CNGA3: variants seen among roughly 807,000 people sequenced by gnomAD.
The protein encoded by CNGA3 is cyclic nucleotide gated channel subunit alpha 3.
Under a neutral mutation model 46.6 loss-of-function variants are expected in CNGA3, and 42 were observed. The ratio of observed to expected loss-of-function variants is 0.90; its 90% CI spans 0.70 to 1.17. The LOEUF (loss-of-function observed/expected upper bound fraction) is 1.17, where lower values mean the gene tolerates loss of function less well. Among genes scored for constraint, CNGA3 ranks in the 50% most tolerant of loss-of-function variants. The pLI, the probability that CNGA3 is intolerant of heterozygous loss-of-function variation, is 0.00. For missense variants in CNGA3, 893 were observed against 890.7 expected (o/e 1.00, Z -0.03); for synonymous variants, 394 against 369.4 (o/e 1.07, Z -0.76).
rs1430615036 is a variant in CNGA3, at chr2:98,370,021, C to G, written c.46C>G (p.Leu16Val). ...ATACTCCCACCCCTCCAGGACCCAC[C>G]TCAAGGTAAAGACCTCAGACCGAGA... ...TQYSHPSRTH[L>V]KVKTSDRDLN... Residue 16 changes from leucine to valine, a missense_variant, in exon 2 of 8, where the codon CTC becomes GTC. By Grantham distance (32) the Leu-to-Val change is conservative (BLOSUM62 1). Transcript: ENST00000272602. 6.2e-7 allele frequency: 1 copy of G among 1,613,972 alleles called. No homozygotes were observed. The highest frequency in any genetic ancestry group is 8.5e-7 in the Non-Finnish European group (1 of 1,180,006).
intron 3 of CNGA3, 95 bp downstream of exon 3, chr2:98,377,895 G>A (rs549671835): frequency 9.2e-5 from 122 of 1,326,846 alleles, no homozygotes; most frequent in Non-Finnish European, 1.2e-4. Context: ...GATGGGGGTG[G>A]AGTTGAAGAT....
chr2:98,369,470 T>A (rs532294232), intron 1 of CNGA3, among the ~76,000 whole-genome samples: 1 of 152,366 alleles, frequency 6.6e-6, no homozygotes, highest in East Asian at 1.9e-4. Flanking sequence ...AAAGGTTTTC[T>A]GAATGTCACA....
In CNGA3 at chr2:98,395,719, A is replaced by AAT. The variant is rs1349517446; in HGVS notation, c.674-124_674-123dup. On this transcript the variant is annotated intron_variant, in intron 7 of 7. Coordinates refer to ENST00000272602, the MANE Select transcript of CNGA3 (RefSeq NM_001298.3). ...TAGTAATGGTAAGTGTTGTTTTTGA[A>AAT]ATCATTTCTATTATATATGTATCAC... The AAT allele has an allele frequency of 9.2e-6, 7 of 764,642 alleles. No individual in the cohort carries two copies. The East Asian group carries it at 1.9e-4, about 20-fold the overall frequency. The allele number at this position is 764,642 out of a possible 1,614,324, so 47.4% of individuals were successfully genotyped here. A position where few individuals can be genotyped will look rare whatever the true frequency, so the allele number is the denominator to read the frequency against.
At chr2:98,364,575 CA>C in intron 1 of CNGA3, among the ~76,000 whole-genome samples, 1 of 152,060 alleles carries the variant, frequency 6.6e-6, no homozygotes. Context: ...TCGAGCTTGC[CA>C]TTCTGTGTCT....
At chr2:98,362,950 T>G (rs1459944068) in intron 1 of CNGA3, among the ~76,000 whole-genome samples, 8 of 152,222 alleles carry the variant, frequency 5.3e-5, no homozygotes, top group Non-Finnish European at 1.2e-4. Context: ...TTGTTAAAGA[T>G]CAGATGGTTG....
rs58990587 is a variant in CNGA3, at chr2:98,377,846, T to G, written c.215+46T>G. On this transcript the variant is annotated intron_variant, in intron 3 of 7. Coordinates refer to ENST00000272602, the MANE Select transcript of CNGA3 (RefSeq NM_001298.3). Reference sequence around the variant, plus strand: ...CCTACCTTGGCCTGGGGGACACTGTTGCAGAAAGAAGGTAGTGACCTCTCA... The same window carrying G: ...CCTACCTTGGCCTGGGGGACACTGTGGCAGAAAGAAGGTAGTGACCTCTCA... 89,894 of 1,542,422 alleles carry G rather than the reference T, an allele frequency of 0.058. 2,948 individuals carry two copies. The highest frequency in any genetic ancestry group is 0.092 in the African/African-American group (6,737 of 73,472).
intron 1 of CNGA3, among the ~76,000 whole-genome samples, chr2:98,350,025 C>A (rs111423160): frequency 2.0e-5 from 3 of 152,236 alleles, no homozygotes; most frequent in Non-Finnish European, 4.4e-5. Context: ...ACTCGGCCTG[C>A]ACCCGAGAAC....
chr2:98,389,632 C>T lies in CNGA3; in HGVS notation c.450-26C>T, dbSNP rs377739704. On this transcript the variant is annotated intron_variant, in intron 5 of 7. Coordinates refer to ENST00000272602, the MANE Select transcript of CNGA3 (RefSeq NM_001298.3). ...AGCTACAGTCTTGGAGCACAGTGCG[C>T]TGTTTGTGTATGTGTGGGTTTCCAG... The T allele has an allele frequency of 2.5e-6, 4 of 1,593,018 alleles. No homozygotes were observed. In the African/African-American group the frequency reaches 5.4e-5, roughly 21 times the overall value.
Position 98,395,835 on chromosome 2 carries a change from C to T in CNGA3, c.674-9C>T. On this transcript the variant is annotated splice_polypyrimidine_tract_variant and intron_variant, in intron 7 of 7. Transcript: ENST00000272602. ...TGTGATGCCCAATGACCTCCATCTT[C>T]TTCTTTAGGTTTTCTCGAGCAAGGC... 1 of 1,613,986 alleles carries T rather than the reference C, an allele frequency of 6.2e-7. No individual in the cohort carries two copies. The highest frequency in any genetic ancestry group is 1.7e-4 in the Middle Eastern group (1 of 6,060).
At chr2:98,386,028 C>T (rs1692646159) in intron 5 of CNGA3, among the ~76,000 whole-genome samples, 1 of 152,102 alleles carries the variant, frequency 6.6e-6, no homozygotes, top group Non-Finnish European at 1.5e-5. Flanking sequence ...TATCTGTTTC[C>T]TGGCTTATAA....
intron 6 of CNGA3, 56 bp from the exon 7 acceptor site, chr2:98,391,808 G>T (rs532298545): frequency 1.9e-5 from 30 of 1,549,130 alleles, no homozygotes; most frequent in Non-Finnish European, 2.6e-5. Flanking sequence ...ACAGGTGGGT[G>T]GTCCACGCTC....
At chr2:98,368,428 A>C (rs1692211953) in intron 1 of CNGA3, among the ~76,000 whole-genome samples, 1 of 152,256 alleles carries the variant, frequency 6.6e-6, no homozygotes, top group African/African-American at 2.4e-5. Context: ...AACCATCCTC[A>C]GAAATGCATC....
intron 2 of CNGA3, among the ~76,000 whole-genome samples, chr2:98,375,807 G>A (rs1367921586): frequency 1.3e-5 from 2 of 152,056 alleles, no homozygotes; most frequent in Admixed American, 6.6e-5. Flanking sequence ...TGGAGTGGAT[G>A]ACAGCAAGTT....
intron 6 of CNGA3, among the ~76,000 whole-genome samples, chr2:98,390,940 G>A (rs1179515315): frequency 6.6e-6 from 1 of 152,138 alleles, no homozygotes; most frequent in Non-Finnish European, 1.5e-5. Context: ...GATGCCTCTG[G>A]GGCTCTCCGG....
chr2:98,393,494 C>A (rs1692838418), intron 7 of CNGA3, among the ~76,000 whole-genome samples: 2 of 152,232 alleles, frequency 1.3e-5, no homozygotes, highest in African/African-American at 4.8e-5. Flanking sequence ...CCTCTGTTTG[C>A]TTCCACACTG....
At chr2:98,361,889 A>G (rs903872724) in intron 1 of CNGA3, among the ~76,000 whole-genome samples, 3 of 151,614 alleles carry the variant, frequency 2.0e-5, no homozygotes, top group Admixed American at 6.6e-5. Flanking sequence ...TTGTATTTTT[A>G]GTAGAGACAG....
chr2:98,369,281 G>C (rs1055252587), intron 1 of CNGA3, among the ~76,000 whole-genome samples: 5 of 152,200 alleles, frequency 3.3e-5, no homozygotes, highest in Admixed American at 2.6e-4. Context: ...TTTTCAAGAC[G>C]ATTTCACAAG....
chr2:98,360,010 G>C (rs1408371041), intron 1 of CNGA3, among the ~76,000 whole-genome samples: 1 of 152,228 alleles, frequency 6.6e-6, no homozygotes, highest in Non-Finnish European at 1.5e-5. Context: ...GGCTGGAGGA[G>C]GGCCAGCATG....
At chr2:98,395,215 G>C (rs565028081) in intron 7 of CNGA3, among the ~76,000 whole-genome samples, 59 of 151,964 alleles carry the variant, frequency 3.9e-4, no homozygotes, top group Non-Finnish European at 7.8e-4. Context: ...TGTTGCCCAG[G>C]CTGGAGTGTA....
Sources: allele counts gnomAD v4.1 joint callset (sites outside exome capture counted in the v4.1 genomes callset), GRCh38; gene constraint gnomAD v4.1.1; transcripts MANE v1.5; gene names NCBI Gene and HGNC (gene_info 2026-07-23, HGNC 2026-07-21).